C1orf21: variants seen among roughly 807,000 people sequenced by gnomAD.
C1orf21 encodes chromosome 1 open reading frame 21.
A neutral mutation model predicts 18.7 loss-of-function variants in C1orf21; 3 were observed. The ratio of observed to expected loss-of-function variants is 0.16; its 90% CI spans 0.07 to 0.42. The LOEUF (loss-of-function observed/expected upper bound fraction) is 0.42, where lower values mean the gene tolerates loss of function less well. Ranked by LOEUF, C1orf21 falls within the 10% of genes least tolerant of loss-of-function variation. C1orf21 has a pLI of 0.99. For missense variants in C1orf21, 104 were observed against 143.6 expected, an observed-to-expected ratio of 0.72 and a Z score of 1.41; for synonymous variants, 41 against 46.4, an observed-to-expected ratio of 0.88 and a Z score of 0.47.
chr1:184,584,344 T>A (rs1448639059), intron 3 of C1orf21, among the ~76,000 whole-genome samples: 1 of 152,090 alleles, frequency 6.6e-6, no homozygotes, highest in Admixed American at 6.6e-5. Flanking sequence ...AAATCATGTT[T>A]TCAAGTAAAT....
At chr1:184,391,684 A>T (rs1479506340) in intron 1 of C1orf21, among the ~76,000 whole-genome samples, 1 of 152,000 alleles carries the variant, frequency 6.6e-6, no homozygotes, top group African/African-American at 2.4e-5. Flanking sequence ...ACCAAGCATG[A>T]TGTCCTCTCA....
intron 1 of C1orf21, among the ~76,000 whole-genome samples, chr1:184,450,601 A>G (rs1405745831): frequency 6.6e-6 from 1 of 152,216 alleles, no homozygotes; most frequent in African/African-American, 2.4e-5. Context: ...ACGCACATAT[A>G]TACATGCATA....
rs183617921 is a variant in C1orf21, at chr1:184,598,267, C to G, written c.267-134C>G. ...GTACTGTTTATCCTTAATGTAACTT[C>G]AGAGTATTTCAGTGGAAAAGTCTGC... On this transcript the variant is annotated intron_variant, in intron 4 of 5. Coordinates refer to ENST00000235307, the MANE Select transcript of C1orf21 (RefSeq NM_030806.4). The G allele has an allele frequency of 7.8e-4, 547 of 699,486 alleles. 4 individuals are homozygous for G. The Middle Eastern group carries it at 9.6e-3, about 12-fold the overall frequency. The allele number at this position is 699,486 out of a possible 1,614,324, so 43.3% of individuals were successfully genotyped here. A position where few individuals can be genotyped will look rare whatever the true frequency, so the allele number is the denominator to read the frequency against.
chr1:184,548,368 G>A (rs142278495), intron 3 of C1orf21, among the ~76,000 whole-genome samples: 1 of 144,808 alleles, frequency 6.9e-6, no homozygotes, highest in Admixed American at 7.3e-5. Context: ...GTTTCAGTGG[G>A]AACTTGCATT....
intron 1 of C1orf21, among the ~76,000 whole-genome samples, chr1:184,457,960 T>C (rs1657246425): frequency 1.3e-5 from 2 of 152,208 alleles, no homozygotes; most frequent in Non-Finnish European, 2.9e-5. Flanking sequence ...TTTGTAGATA[T>C]TGTTTCAAAT....
chr1:184,489,499 G>C (rs1657785583), intron 2 of C1orf21, among the ~76,000 whole-genome samples: 1 of 152,054 alleles, frequency 6.6e-6, no homozygotes. Flanking sequence ...ATTTTTCTGG[G>C]GCACAAAATA....
chr1:184,411,749 A>G (rs1454024146), intron 1 of C1orf21, among the ~76,000 whole-genome samples: 4 of 152,222 alleles, frequency 2.6e-5, no homozygotes, highest in Non-Finnish European at 5.9e-5. Flanking sequence ...AAGAAGCCAT[A>G]TATAAGAGCT....
At chr1:184,591,620 C>T (rs189314207) in intron 4 of C1orf21, among the ~76,000 whole-genome samples, 142 of 152,098 alleles carry the variant, frequency 9.3e-4, no homozygotes, top group Non-Finnish European at 1.1e-3. Flanking sequence ...TCCTGGCTAA[C>T]ACGATGAAAC....
At chr1:184,551,065 A>G (rs2101981656) in intron 3 of C1orf21, among the ~76,000 whole-genome samples, 1 of 152,364 alleles carries the variant, frequency 6.6e-6, no homozygotes, top group African/African-American at 2.4e-5. Flanking sequence ...TAGTGCCAGC[A>G]TAGGAATCAC....
chr1:184,465,647 G>A (rs369108263), intron 1 of C1orf21, among the ~76,000 whole-genome samples: 1 of 152,166 alleles, frequency 6.6e-6, no homozygotes, highest in Non-Finnish European at 1.5e-5. Flanking sequence ...TTTGCCAGCT[G>A]TACCTTTGTC....
chr1:184,512,229 C>T (rs992571135), intron 3 of C1orf21, among the ~76,000 whole-genome samples: 1 of 152,194 alleles, frequency 6.6e-6, no homozygotes, highest in African/African-American at 2.4e-5. Context: ...TATCCAAGTT[C>T]TTTATAGTAC....
At chr1:184,524,287 T>A (rs1026770164) in intron 3 of C1orf21, among the ~76,000 whole-genome samples, 1 of 152,160 alleles carries the variant, frequency 6.6e-6, no homozygotes, top group South Asian at 2.1e-4. Flanking sequence ...TAAGTTTTCC[T>A]TTCATTGGAA....
chr1:184,440,551 CTTTT>C (rs543152256), intron 1 of C1orf21, among the ~76,000 whole-genome samples: 1 of 145,090 alleles, frequency 6.9e-6, no homozygotes, highest in South Asian at 2.2e-4. Flanking sequence ...TGCACCTGGC[CTTTT>C]TTTTTTTTAA....
intron 1 of C1orf21, among the ~76,000 whole-genome samples, chr1:184,402,266 A>AT: frequency 6.6e-6 from 1 of 152,226 alleles, no homozygotes; most frequent in East Asian, 1.9e-4. Flanking sequence ...TACTTGTGTG[A>AT]TTTTATCATG....
Position 184,475,781 on chromosome 1 carries a change from G to C in C1orf21, c.-124-1605G>C, listed in dbSNP as rs193274212. Among the ~76,000 whole-genome samples, 573 of 126,234 alleles carry C rather than the reference G, an allele frequency of 4.5e-3. 9 individuals carry two copies. The highest frequency in any genetic ancestry group is 0.016 in the African/African-American group (524 of 33,196). The allele number at this position is 126,234 out of a possible 152,430, so 82.8% of individuals were successfully genotyped here. On this transcript the variant is annotated intron_variant, in intron 1 of 5. Transcript: ENST00000235307. ...TGTGTGTGTGTGTGTGTGTGTGTGT[G>C]TCCATCCACAGGCCTGGATTTCATA...
At chr1:184,398,451 C>T (rs77222082) in intron 1 of C1orf21, among the ~76,000 whole-genome samples, 2 of 152,166 alleles carry the variant, frequency 1.3e-5, no homozygotes, top group African/African-American at 4.8e-5. Context: ...TTCTCTGCCC[C>T]CTTCCTCGTA....
At chr1:184,503,486 C>G (rs1324223751) in intron 2 of C1orf21, among the ~76,000 whole-genome samples, 2 of 152,064 alleles carry the variant, frequency 1.3e-5, no homozygotes, top group African/African-American at 4.8e-5. Context: ...TCCTTGGGCG[C>G]TCTCTGCTGT....
intron 1 of C1orf21, among the ~76,000 whole-genome samples, chr1:184,465,056 C>T (rs914694416): frequency 6.6e-6 from 1 of 152,162 alleles, no homozygotes; most frequent in Non-Finnish European, 1.5e-5. Context: ...CAGGAGTGAG[C>T]CACCATGCCC....
chr1:184,557,008 A>T (rs1658888351), intron 3 of C1orf21, among the ~76,000 whole-genome samples: 1 of 152,152 alleles, frequency 6.6e-6, no homozygotes, highest in African/African-American at 2.4e-5. Context: ...TGCTCCAAAC[A>T]ATATGTAGTT....
Sources: gnomAD v4.1 joint callset for allele counts (sites outside exome capture counted in the v4.1 genomes callset) on GRCh38, gnomAD v4.1.1 for gene constraint, MANE v1.5 for transcripts, NCBI Gene and HGNC (gene_info 2026-07-23, HGNC 2026-07-21) for gene names.